The following EPHA6 variants were observed in gnomAD, a reference collection of about 807,000 sequenced individuals.
EPHA6 encodes EPH receptor A6, also known as ephrin type-A receptor 6.
EPHA6 carries 50 observed loss-of-function variants against 112.0 expected under a neutral mutation model. The ratio of observed to expected loss-of-function variants is 0.45; its 90% confidence interval spans 0.36 to 0.56. The LOEUF (loss-of-function observed/expected upper bound fraction) is 0.56. EPHA6 is among the 20% of genes least tolerant of loss of function. The pLI is 0.00. For missense variants in EPHA6, 1,280 were observed against 1,417.4 expected (o/e 0.90, Z 1.56); for synonymous variants, 529 against 490.7 (o/e 1.08, Z -1.03).
Position 97,386,956 on chromosome 3 carries a change from G to A in EPHA6, c.1607-18194G>A, listed in dbSNP as rs576257651. Among the ~76,000 whole-genome samples the A allele has an allele frequency of 1.4e-4, 22 of 152,358 alleles. No homozygotes were observed. In the East Asian group the frequency reaches 4.2e-3, roughly 29 times the overall value. On this transcript the variant is annotated intron_variant, in intron 5 of 17. Transcript: ENST00000389672. ...AGGCTTGGGGCTTGCACCCCCTGAA[G>A]CAATGGCCCAAGTTGTTCCTTGGCC... is the stretch of plus-strand genomic sequence containing the variant.
At chr3:97,026,889 A>C (rs966023541) in intron 3 of EPHA6, among the ~76,000 whole-genome samples, 12 of 152,320 alleles carry the variant, frequency 7.9e-5, no homozygotes, top group East Asian at 7.7e-4. Flanking sequence ...GTGATTCTTC[A>C]AAGACCTAAA....
chr3:96,868,756 G>GA (rs1559786696), intron 2 of EPHA6, among the ~76,000 whole-genome samples: 1 of 151,742 alleles, frequency 6.6e-6, no homozygotes, highest in African/African-American at 2.4e-5. Context: ...CTTTTTAATT[G>GA]AAAAAAACTC....
At chr3:97,402,829 C>T (rs545979762) in intron 5 of EPHA6, among the ~76,000 whole-genome samples, 11 of 152,114 alleles carry the variant, frequency 7.2e-5, no homozygotes, top group South Asian at 6.2e-4. Flanking sequence ...TTAGAAAAAC[C>T]AAACTTGTCA....
chr3:97,412,882 C>G (rs777699195), intron 6 of EPHA6, among the ~76,000 whole-genome samples: 1 of 151,778 alleles, frequency 6.6e-6, no homozygotes, highest in Non-Finnish European at 1.5e-5. Flanking sequence ...CTTGGGGAGT[C>G]CAGAGGTTAT....
intron 3 of EPHA6, among the ~76,000 whole-genome samples, chr3:97,117,497 T>G (rs1391914770): frequency 1.3e-5 from 2 of 151,752 alleles, no homozygotes; most frequent in Non-Finnish European, 3.0e-5. Context: ...ATTTGTATAT[T>G]GAGTGATATA....
At chr3:96,838,706 G>T (rs2034562185) in intron 1 of EPHA6, among the ~76,000 whole-genome samples, 1 of 151,854 alleles carries the variant, frequency 6.6e-6, no homozygotes, top group Admixed American at 6.6e-5. Flanking sequence ...TAACAAATTT[G>T]CACTAAAATT....
At chr3:97,388,025 A>C (rs1474550274) in intron 5 of EPHA6, among the ~76,000 whole-genome samples, 1 of 152,164 alleles carries the variant, frequency 6.6e-6, no homozygotes, top group East Asian at 1.9e-4. Flanking sequence ...CTCATGCACA[A>C]TCACGAGAAC....
intron 14 of EPHA6, among the ~76,000 whole-genome samples, chr3:97,640,378 A>T (rs2093990515): frequency 6.6e-6 from 1 of 152,180 alleles, no homozygotes. Flanking sequence ...CCTGAGTGGC[A>T]CTCCAAGAAA....
At chr3:96,946,963 T>C (rs1436397629) in intron 2 of EPHA6, among the ~76,000 whole-genome samples, 1 of 152,200 alleles carries the variant, frequency 6.6e-6, no homozygotes, top group East Asian at 1.9e-4. Context: ...GTTGGCTGCA[T>C]AAATGTCTTC....
intron 13 of EPHA6, among the ~76,000 whole-genome samples, chr3:97,619,733 A>C (rs2093798087): frequency 6.6e-6 from 1 of 152,114 alleles, no homozygotes; most frequent in African/African-American, 2.4e-5. Context: ...CTCTACAAGG[A>C]AAACTATAAA....
intron 3 of EPHA6, among the ~76,000 whole-genome samples, chr3:97,173,600 T>G (rs146369795): frequency 2.0e-5 from 3 of 152,006 alleles, no homozygotes; most frequent in Admixed American, 2.0e-4. Context: ...AAGTTTCCTG[T>G]TGTACTTACC....
intron 3 of EPHA6, among the ~76,000 whole-genome samples, chr3:97,088,006 C>T (rs1267676668): frequency 6.6e-6 from 1 of 151,944 alleles, no homozygotes; most frequent in East Asian, 1.9e-4. Context: ...CATGGTAAAA[C>T]CCCGTCTCTA....
intron 11 of EPHA6, among the ~76,000 whole-genome samples, chr3:97,584,603 T>A (rs1056465680): frequency 6.6e-6 from 1 of 152,154 alleles, no homozygotes; most frequent in African/African-American, 2.4e-5. Context: ...TGTATTATAA[T>A]ACCTAAAATT....
intron 2 of EPHA6, among the ~76,000 whole-genome samples, chr3:96,956,072 A>G (rs1183667741): frequency 6.6e-6 from 1 of 151,408 alleles, no homozygotes; most frequent in Non-Finnish European, 1.5e-5. Context: ...GATCAGTGTC[A>G]AAAGGTTGCT....
chr3:97,517,122 A>C (rs997209607), intron 10 of EPHA6, among the ~76,000 whole-genome samples: 3 of 152,132 alleles, frequency 2.0e-5, no homozygotes, highest in Non-Finnish European at 4.4e-5. Flanking sequence ...TTAATAAATA[A>C]ATAGACAAGT....
chr3:97,160,531 C>T (rs1231631836), intron 3 of EPHA6, among the ~76,000 whole-genome samples: 1 of 152,014 alleles, frequency 6.6e-6, no homozygotes, highest in East Asian at 1.9e-4. Flanking sequence ...CTGCCTGTCT[C>T]AGCCTCCCAA....
intron 11 of EPHA6, chr3:97,559,720 A>AT (rs2107151523): frequency 2.3e-6 from 1 of 428,030 alleles, no homozygotes; most frequent in South Asian, 1.7e-5. Flanking sequence ...AAGCTTCCTT[A>AT]TTTTTTGCAT....
chr3:96,963,460 TTA>T (rs2042016481), intron 2 of EPHA6, among the ~76,000 whole-genome samples: 1 of 152,208 alleles, frequency 6.6e-6, no homozygotes, highest in Non-Finnish European at 1.5e-5. Flanking sequence ...GAGGACTTTG[TTA>T]CTGGGTCAAC....
intron 1 of EPHA6, among the ~76,000 whole-genome samples, chr3:96,864,772 A>T (rs988907848): frequency 1.3e-5 from 2 of 152,152 alleles, no homozygotes; most frequent in African/African-American, 4.8e-5. Context: ...CAGGAATGCC[A>T]ACTAACTTAT....
Sources: allele counts gnomAD v4.1 joint callset (sites outside exome capture counted in the v4.1 genomes callset), GRCh38; gene constraint gnomAD v4.1.1; transcripts MANE v1.5; gene names NCBI Gene and HGNC (gene_info 2026-07-23, HGNC 2026-07-21).